Variants in PREX2 observed in about 807,000 individuals in gnomAD.
PREX2 encodes phosphatidylinositol 3,4,5-trisphosphate-dependent Rac exchanger 2 protein.
PREX2 carries 107 observed loss-of-function variants against 203.2 expected under a neutral mutation model. The observed-to-expected ratio is 0.53, with a 90% CI of 0.45 to 0.62. The LOEUF is 0.62. PREX2 is among the 20% of genes least tolerant of loss of function. The pLI is 0.00. For missense variants in PREX2, 1,777 were observed against 1,955.9 expected, an observed-to-expected ratio of 0.91 and a Z score of 1.72; for synonymous variants, 672 against 663.6, an observed-to-expected ratio of 1.01 and a Z score of -0.19.
At chr8:67,977,695 A>T (rs2129609093) in intron 1 of PREX2, among the ~76,000 whole-genome samples, 1 of 152,196 alleles carries the variant, frequency 6.6e-6, no homozygotes, top group African/African-American at 2.4e-5. Flanking sequence ...AGGGGAGAGA[A>T]ATTGAAGGTT....
chr8:67,988,835 G>C (rs1476664320), intron 1 of PREX2, among the ~76,000 whole-genome samples: 2 of 152,214 alleles, frequency 1.3e-5, no homozygotes, highest in Non-Finnish European at 2.9e-5. Flanking sequence ...CCCACCCCAT[G>C]GACTGTGAGA....
At chr8:68,103,824 C>T (rs1383020550) in intron 23 of PREX2, among the ~76,000 whole-genome samples, 3 of 152,216 alleles carry the variant, frequency 2.0e-5, no homozygotes, top group South Asian at 4.2e-4. Context: ...ATGCTGACTC[C>T]GCCTTTTCTC....
At chr8:67,980,532 T>C (rs1490820771) in intron 1 of PREX2, among the ~76,000 whole-genome samples, 1 of 152,214 alleles carries the variant, frequency 6.6e-6, no homozygotes, top group Non-Finnish European at 1.5e-5. Context: ...ACAGTTTAAG[T>C]GGGAACAGTG....
At chr8:67,978,386 C>T (rs1489844070) in intron 1 of PREX2, among the ~76,000 whole-genome samples, 2 of 152,166 alleles carry the variant, frequency 1.3e-5, no homozygotes, top group Non-Finnish European at 2.9e-5. Flanking sequence ...ACAGCCATCT[C>T]CAAGGGTAGC....
chr8:67,957,242 A>G (rs1805517519), intron 1 of PREX2, among the ~76,000 whole-genome samples: 1 of 152,162 alleles, frequency 6.6e-6, no homozygotes, highest in Admixed American at 6.5e-5. Context: ...TCTTAATGAT[A>G]TTCTTATAAA....
chr8:68,048,079 T>C (rs1808422597), intron 8 of PREX2, among the ~76,000 whole-genome samples: 1 of 152,058 alleles, frequency 6.6e-6, no homozygotes, highest in Non-Finnish European at 1.5e-5. Context: ...TTAATTCCTA[T>C]ATTCAAGGCA....
intron 1 of PREX2, among the ~76,000 whole-genome samples, chr8:68,000,378 T>G (rs146594235): frequency 1.2e-3 from 181 of 152,226 alleles, no homozygotes; most frequent in African/African-American, 4.0e-3. Context: ...AACGTAGGTA[T>G]ACACCTACCC....
At chr8:68,088,801 A>G (rs1809777947) in intron 19 of PREX2, among the ~76,000 whole-genome samples, 1 of 152,206 alleles carries the variant, frequency 6.6e-6, no homozygotes, top group Non-Finnish European at 1.5e-5. Flanking sequence ...TTTCATGAAG[A>G]CAAAAAGGAA....
At chr8:68,026,851 A>G (rs751428396) in intron 4 of PREX2, among the ~76,000 whole-genome samples, 7 of 152,076 alleles carry the variant, frequency 4.6e-5, no homozygotes, top group Non-Finnish European at 1.0e-4. Flanking sequence ...ACAACATAAT[A>G]TACCTTTCTT....
At position 68,069,047 on chromosome 8, in the gene PREX2, C is replaced by CA. The variant is rs754181387; in HGVS notation, c.1356dup (p.Phe453IlefsTer9). On this transcript the variant is annotated frameshift_variant, in exon 12 of 40. Transcript: ENST00000288368. LOFTEE classifies it high-confidence loss of function. ...TATGTTCTTAGTTACTGATAAACAT[C>CA]AATTCAAACCAGAACAGATGTTATA... is the stretch of plus-strand genomic sequence containing the variant. 43 of 1,467,830 alleles carry CA rather than the reference C, an allele frequency of 2.9e-5. No individual in the cohort carries two copies. The highest frequency in any genetic ancestry group is 3.8e-5 in the Non-Finnish European group (41 of 1,086,540). The allele number at this position is 1,467,830 out of a possible 1,614,324, so 90.9% of individuals were successfully genotyped here.
At chr8:67,952,570 G>A (rs760445636) in intron 1 of PREX2, 35 bp downstream of exon 1, 3 of 1,591,038 alleles carry the variant, frequency 1.9e-6, no homozygotes, top group Non-Finnish European at 1.7e-6. Context: ...GGGACGTCCG[G>A]GCGGCGCGGG....
chr8:68,029,829 A>G (rs1807827488), intron 5 of PREX2, among the ~76,000 whole-genome samples: 1 of 152,174 alleles, frequency 6.6e-6, no homozygotes, highest in Admixed American at 6.6e-5. Flanking sequence ...TGGGAAAAAT[A>G]TAAATAAAAA....
intron 13 of PREX2, among the ~76,000 whole-genome samples, 186 bp downstream of exon 13, chr8:68,070,070 T>C (rs2129611592): frequency 6.6e-6 from 1 of 152,016 alleles, no homozygotes; most frequent in African/African-American, 2.4e-5. Flanking sequence ...AATTATATAG[T>C]GTTTTCCACT....
At chr8:68,030,786 A>G (rs1807860878) in intron 6 of PREX2, 128 bp downstream of exon 6, 3 of 887,058 alleles carry the variant, frequency 3.4e-6, no homozygotes, top group Admixed American at 2.3e-5. Context: ...ACTGTAGTCA[A>G]TTCTGAAAAG....
intron 37 of PREX2, among the ~76,000 whole-genome samples, chr8:68,196,928 A>T (rs1020020733): frequency 6.6e-6 from 1 of 152,126 alleles, no homozygotes; most frequent in African/African-American, 2.4e-5. Flanking sequence ...ATAGCAGTGC[A>T]AGAACGGACT....
At chr8:68,219,339 G>A (rs563168463) in intron 38 of PREX2, among the ~76,000 whole-genome samples, 3 of 152,138 alleles carry the variant, frequency 2.0e-5, no homozygotes, top group East Asian at 1.9e-4. Flanking sequence ...TGCAGGCCCC[G>A]ATGACTCACT....
In PREX2 at chr8:68,060,786, AC is replaced by A; in HGVS notation, c.1339+8del. On this transcript the variant is annotated splice_region_variant and intron_variant, in intron 11 of 39. Transcript: ENST00000288368. ...AATGGAATCATTCACCATGGTAATT[AC>A]TTTATTATTAATTACTTATTTAATG... The A allele has an allele frequency of 6.4e-7, 1 of 1,551,008 alleles. No homozygotes were observed. The highest frequency in any genetic ancestry group is 8.8e-7 in the Non-Finnish European group (1 of 1,130,770).
In PREX2 at chr8:68,127,058, A is replaced by G. The variant is rs1810907884; in HGVS notation, c.3725-320A>G. ...GGCTAAAACAGCTAAGGATGACCTA[A>G]AAAGCTGCCAGGATTTGAATGGTGT... On this transcript the variant is annotated intron_variant, in intron 30 of 39. Coordinates refer to ENST00000288368, the MANE Select transcript of PREX2 (RefSeq NM_024870.4). Among the ~76,000 whole-genome samples the G allele has an allele frequency of 1.3e-5, 2 of 152,244 alleles. 1 individual carries two copies. Among genetic ancestry groups the G allele is most frequent in the Admixed American group, 1.3e-4 (2 of 15,290 alleles).
At chr8:67,962,678 C>G (rs1239661172) in intron 1 of PREX2, among the ~76,000 whole-genome samples, 2 of 151,482 alleles carry the variant, frequency 1.3e-5, no homozygotes, top group African/African-American at 2.4e-5. Context: ...ATGATCTCGG[C>G]TCACTGCAAC....
Sources: allele counts gnomAD v4.1 joint callset (sites outside exome capture counted in the v4.1 genomes callset), GRCh38; gene constraint gnomAD v4.1.1; transcripts MANE v1.5; gene names NCBI Gene and HGNC (gene_info 2026-07-23, HGNC 2026-07-21).